Variants in MISP observed in about 807,000 individuals in gnomAD.
The protein encoded by MISP is mitotic interactor and substrate of PLK1.
In MISP, 51 loss-of-function variants were observed where a neutral mutation model predicts 49.3. The ratio of observed to expected loss-of-function variants is 1.03; its 90% CI spans 0.83 to 1.31. MISP has a LOEUF of 1.31. Ranked by LOEUF, MISP falls within the 50% of genes most tolerant of loss-of-function variation. The pLI is 0.00. For synonymous variants in MISP, 444 were observed against 392.6 expected, an observed-to-expected ratio of 1.13 and a Z score of -1.55; for missense variants, 1,084 against 935.1, an observed-to-expected ratio of 1.16 and a Z score of -2.08.
chr19:755,533 A>G (rs2033536609), intron 1 of MISP, among the ~76,000 whole-genome samples: 1 of 152,184 alleles, frequency 6.6e-6, no homozygotes. Flanking sequence ...TGTAATTGTC[A>G]GATGGAAAAA....
In MISP at chr19:760,027, G is replaced by A. The variant is rs1485831169; in HGVS notation, c.1899G>A (p.Lys633=). The A allele has an allele frequency of 1.9e-6, 3 of 1,613,864 alleles. No individual in the cohort carries two copies. In the South Asian group the frequency reaches 3.3e-5, roughly 18 times the overall value. The change falls in exon 3 of 5, where the codon AAG becomes AAA. Residue 633 remains lysine (K), a synonymous_variant. Transcript: ENST00000215582. ...ACAGTGCTCCTCCCGGGCAGAGAAA[G>A]AAGGAGCAATGGGTGAGTCTGGAAC... ...PVDSAPPGQR[K]KEQWYAGINP...
In MISP at chr19:758,294, C is replaced by T. The variant is rs1464067158; in HGVS notation, c.1348C>T (p.Leu450Phe). The change falls in exon 2 of 5, where the codon CTC becomes TTC. Residue 450 changes from leucine to phenylalanine, a missense_variant. Leu to Phe is a conservative substitution (Grantham distance 22, BLOSUM62 0). Transcript: ENST00000215582. ...AFGAFGKPSS[L>F]STAEAKAATS... The stretch of plus-strand genomic sequence containing the variant: ...CGGAGCATTCGGCAAGCCCAGCAGT[C>T]TCTCCACAGCGGAGGCCAAGGCTGC... The T allele has an allele frequency of 1.2e-6, 2 of 1,614,036 alleles. No homozygotes were observed. The highest frequency in any genetic ancestry group is 3.3e-5 in the Admixed American group (2 of 60,032).
At chr19:754,573 GC>G (rs1477439912) in intron 1 of MISP, among the ~76,000 whole-genome samples, 7 of 152,272 alleles carry the variant, frequency 4.6e-5, no homozygotes, top group African/African-American at 1.7e-4. Flanking sequence ...ATTGCAGTGA[GC>G]TGAGATCACG....
At position 757,480 on chromosome 19, in the gene MISP, C is replaced by A. The variant is rs368789822; in HGVS notation, c.534C>A (p.Ser178=). 11 of 1,597,422 alleles carry A rather than the reference C, an allele frequency of 6.9e-6. No homozygotes were observed. Among genetic ancestry groups the A allele is most frequent in the Non-Finnish European group, 9.4e-6 (11 of 1,173,090 alleles). Residue 178 remains serine (S), a synonymous_variant, in exon 2 of 5, where the codon TCC becomes TCA. Coordinates refer to ENST00000215582, the MANE Select transcript of MISP (RefSeq NM_173481.4). ...CCAGGACCCCCGGCCCACCTCGGTC[C>A]ACGCCCCTGGAGGAGAACGTGGTTG... The part of the protein sequence containing the change: ...GDPRTPGPPR[S]TPLEENVVDR...
At chr19:750,004 T>C (rs2033434581), upstream of MISP, among the ~76,000 whole-genome samples, 1 of 152,010 alleles carries the variant, frequency 6.6e-6, no homozygotes, top group Non-Finnish European at 1.5e-5. Flanking sequence ...CTCAGCTGTG[T>C]TCCCTGCCCT....
At chr19:762,445 G>T (rs971147517) in intron 4 of MISP, among the ~76,000 whole-genome samples, 1 of 151,256 alleles carries the variant, frequency 6.6e-6, no homozygotes, top group Non-Finnish European at 1.5e-5. Context: ...CAGAGATGGG[G>T]TTTCACCATG....
In MISP at chr19:761,625, T is replaced by C. The variant is rs765802954; in HGVS notation, c.1912T>C (p.Tyr638His). 3 of 1,614,080 alleles carry C rather than the reference T, an allele frequency of 1.9e-6. No individual in the cohort carries two copies. In the South Asian group the frequency reaches 3.3e-5, roughly 18 times the overall value. Residue 638 changes from tyrosine to histidine, a missense_variant and splice_region_variant, in exon 4 of 5, where the codon TAC (tyrosine) becomes CAC (histidine). Physicochemically the swap from Tyr to His is moderately conservative, Grantham distance 83. Transcript: ENST00000215582. ...PPGQRKKEQW[Y>H]AGINPSDGIN... ...GCTGACTTGTGTTCCTTTCCTGTAG[T>C]ACGCTGGCATCAACCCCTCGGACGG...
rs2033710769 is a variant in MISP at position 763,656 on chromosome 19, C to G, written c.*66C>G. 8.5e-7 allele frequency: 1 copy of G among 1,175,474 alleles called. No individual in the cohort carries two copies. 72.8% of individuals were successfully genotyped at this position (1,175,474 alleles called of 1,614,324 possible). The stretch of plus-strand genomic sequence containing the variant: ...CTCGTGGGAACTGCCAAGACCATCG[C>G]CAAGCCCCCACCCTAGGAAATGGGT... On this transcript the variant is annotated 3_prime_UTR_variant, in exon 5 of 5. Transcript: ENST00000215582.
rs1039620394 is a variant in MISP, at chr19:756,960, C to G, written c.14C>G (p.Thr5Ser). 15 of 1,571,092 alleles carry G rather than the reference C, an allele frequency of 9.5e-6. No homozygotes were observed. The highest frequency in any genetic ancestry group is 1.3e-5 in the Non-Finnish European group (15 of 1,154,778). Residue 5 changes from threonine to serine, a missense_variant, in exon 2 of 5, where the codon ACC (threonine) becomes AGC (serine). By Grantham distance (58) the Thr-to-Ser change is moderately conservative. Coordinates refer to ENST00000215582, the MANE Select transcript of MISP (RefSeq NM_173481.4). ...ACCCCGGAAGAGATGGACCGCGTGA[C>G]CAGATACCCCATCCTGGGCATCCCT... The part of the protein sequence containing the change: MDRV[T>S]RYPILGIPQA...
chr19:748,486 G>A (rs1315565842), upstream of MISP, among the ~76,000 whole-genome samples: 1 of 152,182 alleles, frequency 6.6e-6, no homozygotes, highest in East Asian at 1.9e-4. Flanking sequence ...GCCTTGGGGT[G>A]GTGGGAGGCG....
In MISP at chr19:763,926, TTCCGCTAGTC is replaced by T. The variant is rs1181548460; in HGVS notation, c.*338_*347del. 1.1e-5 allele frequency: 3 copies of T among 282,574 alleles called. No homozygotes were observed. Among genetic ancestry groups the T allele is most frequent in the Non-Finnish European group, 2.1e-5 (3 of 145,624 alleles). 17.5% of individuals were successfully genotyped at this position (282,574 alleles called of 1,614,324 possible). On this transcript the variant is annotated 3_prime_UTR_variant, in exon 5 of 5. Transcript: ENST00000215582. ...TCCTCCACTTTCAGGTGTAATTTGCTTCCGCTAGTCTGAGGGCAGAGGGACCGGTCAAAGA... is the reference window on the plus strand; with the variant it reads ...TCCTCCACTTTCAGGTGTAATTTGCTTGAGGGCAGAGGGACCGGTCAAAGA...
chr19:760,267 C>T, intron 3 of MISP: 2 of 478,400 alleles, frequency 4.2e-6, no homozygotes, highest in Non-Finnish European at 7.5e-6. Flanking sequence ...GTCTTTGTCC[C>T]CATCAGGAGG....
upstream of MISP, among the ~76,000 whole-genome samples, chr19:748,572 G>C (rs2033411707): frequency 6.6e-6 from 1 of 152,118 alleles, no homozygotes; most frequent in African/African-American, 2.4e-5. Context: ...TTCCCGGGGG[G>C]CCCTCGGGTT....
chr19:759,854 C>T, intron 2 of MISP, 55 bp from the exon 3 acceptor site: 1 of 1,601,402 alleles, frequency 6.2e-7, no homozygotes, highest in East Asian at 2.2e-5. Flanking sequence ...ACTCTGTCTC[C>T]CGAGCAGAGG....
intron 1 of MISP, among the ~76,000 whole-genome samples, chr19:753,761 A>G (rs1312299955): frequency 1.3e-5 from 2 of 151,322 alleles, no homozygotes; most frequent in East Asian, 4.0e-4. Context: ...CCCGGGAGCG[A>G]CAGTCCTGCT....
chr19:759,096 T>A (rs777942160), intron 2 of MISP, among the ~76,000 whole-genome samples: 21 of 152,130 alleles, frequency 1.4e-4, no homozygotes, highest in Non-Finnish European at 2.5e-4. Flanking sequence ...GGATCTCAAC[T>A]CACTGTAACC....
chr19:751,569 C>G (rs1351528492), intron 1 of MISP, among the ~76,000 whole-genome samples: 2 of 152,088 alleles, frequency 1.3e-5, no homozygotes, highest in African/African-American at 4.8e-5. Context: ...ATCCGTCCCA[C>G]CAGGCCCCTG....
In MISP at chr19:763,767, G is replaced by A. The variant is rs1441594900; in HGVS notation, c.*177G>A. ...TGGGACTGTTGGGTTTTTCGTTTCC[G>A]TTTCTATCTTCCTTTAGAAATGTTT... is the stretch of plus-strand genomic sequence containing the variant. On this transcript the variant is annotated 3_prime_UTR_variant, in exon 5 of 5. Transcript: ENST00000215582. 2.2e-5 allele frequency: 13 copies of A among 578,780 alleles called. No individual in the cohort carries two copies. Among genetic ancestry groups the A allele is most frequent in the Admixed American group, 9.0e-5 (3 of 33,496 alleles). 35.9% of individuals were successfully genotyped at this position (578,780 alleles called of 1,614,324 possible).
intron 1 of MISP, among the ~76,000 whole-genome samples, chr19:752,751 C>T (rs1273676707): frequency 6.6e-6 from 1 of 152,082 alleles, no homozygotes; most frequent in Non-Finnish European, 1.5e-5. Context: ...CCCTTTCTCC[C>T]GGAGTTGACG....
Sources: allele counts gnomAD v4.1 joint callset (sites outside exome capture counted in the v4.1 genomes callset), GRCh38; gene constraint gnomAD v4.1.1; transcripts MANE v1.5; gene names NCBI Gene and HGNC (gene_info 2026-07-23, HGNC 2026-07-21).